Variants in EIF4G3 observed in about 807,000 individuals in gnomAD.
The protein encoded by EIF4G3 is eukaryotic translation initiation factor 4 gamma 3, also known as eIF-4-gamma 3.
EIF4G3 carries 34 observed loss-of-function variants against 186.4 expected under a neutral mutation model. That is an observed-to-expected ratio of 0.18 (90% CI 0.14 to 0.24). EIF4G3 has a LOEUF of 0.24. Ranked by LOEUF, EIF4G3 falls within the 10% of genes least tolerant of loss-of-function variation. The probability of loss-of-function intolerance (pLI) is 1.00; values close to 1 mark genes in which losing one functional copy is unlikely to be tolerated. For synonymous variants in EIF4G3, 673 were observed against 679.5 expected (o/e 0.99, Z 0.15); for missense variants, 1,536 against 1,948.5 (o/e 0.79, Z 3.99).
At position 21,014,635 on chromosome 1, in the gene EIF4G3, CT is replaced by C. The variant is rs35432782; in HGVS notation, c.-66-11828del. ...ATGGCTTTCAGCTCCAGACAAACACCTTTTTTTTTTTTTTTTTGGTATGGAG... is the reference window on the plus strand; with the variant it reads ...ATGGCTTTCAGCTCCAGACAAACACCTTTTTTTTTTTTTTTTGGTATGGAG... On this transcript the variant is annotated intron_variant, in intron 4 of 36. Coordinates refer to ENST00000602326, the MANE Select transcript of EIF4G3 (RefSeq NM_001391906.1). Among the ~76,000 whole-genome samples, 42 of 128,152 alleles carry C rather than the reference CT, an allele frequency of 3.3e-4. 1 individual carries two copies. The highest frequency in any genetic ancestry group is 5.0e-4 in the Admixed American group (6 of 11,936). The allele number at this position is 128,152 out of a possible 152,430, so 84.1% of individuals were successfully genotyped here.
At chr1:20,927,071 AG>A (rs1220755468) in intron 14 of EIF4G3, among the ~76,000 whole-genome samples, 1 of 141,888 alleles carries the variant, frequency 7.0e-6, no homozygotes, top group Non-Finnish European at 1.5e-5. Flanking sequence ...TTTGAGGTGG[AG>A]TCTCACTGTT....
chr1:21,160,298 A>T (rs1312316275), intron 2 of EIF4G3, among the ~76,000 whole-genome samples: 1 of 152,216 alleles, frequency 6.6e-6, no homozygotes, highest in Non-Finnish European at 1.5e-5. Context: ...TGGAGGAAAG[A>T]AAGCTTTTCC....
chr1:20,950,353 G>C (rs2096153496), intron 12 of EIF4G3, among the ~76,000 whole-genome samples: 1 of 152,142 alleles, frequency 6.6e-6, no homozygotes, highest in Non-Finnish European at 1.5e-5. Flanking sequence ...ATTAACCACA[G>C]CAAGAGAAGA....
chr1:20,841,485 G>A (rs146965977), intron 29 of EIF4G3, among the ~76,000 whole-genome samples: 26 of 152,230 alleles, frequency 1.7e-4, no homozygotes, highest in Non-Finnish European at 3.5e-4. Flanking sequence ...GAAATTTAAT[G>A]TCATGATTCA....
intron 4 of EIF4G3, among the ~76,000 whole-genome samples, chr1:21,016,091 T>C (rs2088931713): frequency 6.6e-6 from 1 of 152,086 alleles, no homozygotes; most frequent in Non-Finnish European, 1.5e-5. Context: ...GACAAAAGCA[T>C]AAAAATCTAA....
intron 4 of EIF4G3, among the ~76,000 whole-genome samples, chr1:21,021,365 C>T (rs952178589): frequency 2.6e-5 from 4 of 152,106 alleles, no homozygotes; most frequent in Non-Finnish European, 4.4e-5. Flanking sequence ...AATGCTGCAC[C>T]TCTGAGAGCA....
intron 14 of EIF4G3, among the ~76,000 whole-genome samples, chr1:20,912,762 G>T (rs1400484944): frequency 6.6e-6 from 1 of 152,150 alleles, no homozygotes; most frequent in Non-Finnish European, 1.5e-5. Flanking sequence ...AGATCTACAA[G>T]TTGGCACTAA....
intron 4 of EIF4G3, among the ~76,000 whole-genome samples, chr1:21,004,658 A>G (rs1031890606): frequency 4.6e-5 from 7 of 152,228 alleles, no homozygotes; most frequent in African/African-American, 1.7e-4. Context: ...CTTACCTAAG[A>G]TAACAAAGTA....
At chr1:20,992,973 A>C (rs1273116885) in intron 7 of EIF4G3, among the ~76,000 whole-genome samples, 2 of 152,198 alleles carry the variant, frequency 1.3e-5, no homozygotes, top group Non-Finnish European at 1.5e-5. Flanking sequence ...ATTTTCAAGC[A>C]TCAGTGCAAA....
At position 20,886,903 on chromosome 1, in the gene EIF4G3, G is replaced by GA. The variant is rs775916533; in HGVS notation, c.2254-533dup. On this transcript the variant is annotated intron_variant, in intron 18 of 36. Transcript: ENST00000602326. ...TGAGAGTCAAACTAAATTACTCCCT[G>GA]AAAAAAAAGGCTTCCTTTTATTTGT... Among the ~76,000 whole-genome samples the GA allele has an allele frequency of 5.9e-5, 9 of 151,506 alleles. No individual in the cohort carries two copies. The East Asian group carries it at 1.4e-3, about 23-fold the overall frequency.
At chr1:21,038,675 T>C (rs892848644) in intron 4 of EIF4G3, among the ~76,000 whole-genome samples, 13 of 152,186 alleles carry the variant, frequency 8.5e-5, no homozygotes, top group Non-Finnish European at 7.3e-5. Flanking sequence ...TCTCTCTGTT[T>C]CTCTTAGAAC....
rs1249873080 is a variant in EIF4G3 at position 20,973,066 on chromosome 1, T to A, written c.527A>T (p.Gln176Leu). 1 of 1,611,158 alleles carries A rather than the reference T, an allele frequency of 6.2e-7. No homozygotes were observed. The highest frequency in any genetic ancestry group is 1.1e-5 in the South Asian group (1 of 90,012). The change falls in exon 11 of 37, where the codon CAG (glutamine) becomes CTG (leucine). Residue 176 changes from glutamine (Q) to leucine (L), a missense_variant. Physicochemically the swap from Gln to Leu is moderately radical, Grantham distance 113. Around this residue, in one of 11 missense-constraint regions of EIF4G3, gnomAD observed 194 missense variants for 212.8 expected, o/e 0.91. Transcript: ENST00000602326. The stretch of plus-strand genomic sequence containing the variant: ...CGTAGGCACTATGATAGGTGCTGAC[T>A]GATACACCGGCTGACTTGGGTAAAA... ...TPFYPSQPVY[Q>L]SAPIIVPTQQ...
At chr1:21,158,424 C>T (rs1055860723) in intron 2 of EIF4G3, among the ~76,000 whole-genome samples, 3 of 152,010 alleles carry the variant, frequency 2.0e-5, no homozygotes, top group Non-Finnish European at 2.9e-5. Flanking sequence ...AATCCACCCA[C>T]CTTGGCCTCT....
In EIF4G3 at chr1:20,900,011, T is replaced by C. The variant is rs537164889; in HGVS notation, c.1753-68A>G. The C allele has an allele frequency of 5.2e-3, 7,533 of 1,449,502 alleles. 25 individuals are homozygous for C. The highest frequency in any genetic ancestry group is 6.4e-3 in the Non-Finnish European group (6,919 of 1,076,190). The allele number at this position is 1,449,502 out of a possible 1,614,324, so 89.8% of individuals were successfully genotyped here. On this transcript the variant is annotated intron_variant, in intron 15 of 36. Transcript: ENST00000602326. ...GTGTAAATATACATAAAAACCTACA[T>C]CTACTCCCTTCAAAAAGCAAAGGAA...
At chr1:21,075,246 A>G (rs1358791795) in intron 3 of EIF4G3, among the ~76,000 whole-genome samples, 2 of 152,094 alleles carry the variant, frequency 1.3e-5, no homozygotes, top group African/African-American at 2.4e-5. Context: ...TTACACACCT[A>G]TATGTTGCCT....
chr1:20,855,135 T>C (rs1298246959), intron 25 of EIF4G3, 64 bp from the exon 26 acceptor site: 3 of 1,353,958 alleles, frequency 2.2e-6, no homozygotes, highest in African/African-American at 1.5e-5. Flanking sequence ...TTTTCTTTTA[T>C]TTTTTTCTTC....
At chr1:21,083,130 A>C (rs1301173627) in intron 3 of EIF4G3, among the ~76,000 whole-genome samples, 1 of 149,520 alleles carries the variant, frequency 6.7e-6, no homozygotes, top group African/African-American at 2.5e-5. Flanking sequence ...TTACTCAGCT[A>C]TTTAGGAAGC....
chr1:20,897,130 C>A (rs2088483730), intron 16 of EIF4G3, among the ~76,000 whole-genome samples: 1 of 152,122 alleles, frequency 6.6e-6, no homozygotes. Flanking sequence ...CAATGAAATA[C>A]AGTCAGAAAA....
At chr1:20,916,982 T>C (rs2093947596) in intron 14 of EIF4G3, among the ~76,000 whole-genome samples, 1 of 152,208 alleles carries the variant, frequency 6.6e-6, no homozygotes, top group South Asian at 2.1e-4. Context: ...TGCCATTTCA[T>C]CTATACATAT....
Sources: allele counts gnomAD v4.1 joint callset (sites outside exome capture counted in the v4.1 genomes callset), GRCh38; gene constraint gnomAD v4.1.1; regional missense constraint gnomAD v4.1.1; transcripts MANE v1.5; gene names NCBI Gene and HGNC (gene_info 2026-07-23, HGNC 2026-07-21).